The following PTPDC1 variants were observed in gnomAD, a reference collection of about 807,000 sequenced individuals.
The protein encoded by PTPDC1 is protein tyrosine phosphatase domain-containing protein 1.
In PTPDC1, 53 loss-of-function variants were observed where a neutral mutation model predicts 75.3. The observed-to-expected ratio is 0.70, with a 90% confidence interval of 0.56 to 0.88. The LOEUF is 0.88. Ranked by LOEUF, PTPDC1 falls within the 40% of genes least tolerant of loss-of-function variation. PTPDC1 has a pLI of 0.00. For synonymous variants in PTPDC1, 349 were observed against 366.2 expected, an observed-to-expected ratio of 0.95 and a Z score of 0.54; for missense variants, 925 against 998.6, an observed-to-expected ratio of 0.93 and a Z score of 0.99.
At chr9:94,059,031 A>G (rs1223976207) in intron 1 of PTPDC1, among the ~76,000 whole-genome samples, 1 of 152,184 alleles carries the variant, frequency 6.6e-6, no homozygotes, top group East Asian at 1.9e-4. Flanking sequence ...TATAAGAAAC[A>G]TACTGTCCAA....
intron 7 of PTPDC1, among the ~76,000 whole-genome samples, chr9:94,102,363 A>T (rs1312889781): frequency 4.0e-5 from 6 of 151,456 alleles, no homozygotes; most frequent in Non-Finnish European, 8.8e-5. Flanking sequence ...TAAAAGATAT[A>T]TGTTTAAAAT....
chr9:94,073,570 G>A (rs1010302604), intron 2 of PTPDC1, among the ~76,000 whole-genome samples: 5 of 152,128 alleles, frequency 3.3e-5, no homozygotes, highest in East Asian at 3.9e-4. Flanking sequence ...GATTTGCACT[G>A]TTGTTTTCCA....
chr9:94,037,316 TA>T (rs1825301033), intron 1 of PTPDC1, among the ~76,000 whole-genome samples: 1 of 152,244 alleles, frequency 6.6e-6, no homozygotes, highest in Non-Finnish European at 1.5e-5. Context: ...GTTTGCAGTA[TA>T]ATTGTCTTTT....
At chr9:94,042,025 A>G (rs1442443926) in intron 1 of PTPDC1, among the ~76,000 whole-genome samples, 1 of 151,788 alleles carries the variant, frequency 6.6e-6, no homozygotes, top group Admixed American at 6.6e-5. Context: ...AGAGGATTTC[A>G]CCCTGATGTC....
At chr9:94,080,263 A>C (rs914544527), upstream of PTPDC1, among the ~76,000 whole-genome samples, 4 of 152,140 alleles carry the variant, frequency 2.6e-5, no homozygotes, top group African/African-American at 9.7e-5. Flanking sequence ...CAATTAGGTA[A>C]ATATATTAAA....
chr9:94,104,562 A>AG (rs1371251173), intron 8 of PTPDC1, among the ~76,000 whole-genome samples, 177 bp downstream of exon 8: 1 of 152,258 alleles, frequency 6.6e-6, no homozygotes, highest in Admixed American at 6.5e-5. Context: ...CCAAAAAAAA[A>AG]GTTTCCAAAC....
At position 94,094,637 on chromosome 9, in the gene PTPDC1, T is replaced by G. The variant is rs529590989; in HGVS notation, c.617-680T>G. Among the ~76,000 whole-genome samples, 8 of 152,346 alleles carry G rather than the reference T, an allele frequency of 5.3e-5. No homozygotes were observed. The South Asian group carries it at 1.7e-3, about 32-fold the overall frequency. ...GAGCTTCCCGGCTGCTTTGTTTACCTAAGCAAGCCTGGGCAATGGCGGGCA... is the reference window on the plus strand; with the variant it reads ...GAGCTTCCCGGCTGCTTTGTTTACCGAAGCAAGCCTGGGCAATGGCGGGCA... On this transcript the variant is annotated intron_variant, in intron 4 of 8. Coordinates refer to ENST00000620992, the MANE Select transcript of PTPDC1 (RefSeq NM_001253829.2).
chr9:94,048,431 C>T (rs1332197665), intron 1 of PTPDC1, among the ~76,000 whole-genome samples: 1 of 152,058 alleles, frequency 6.6e-6, no homozygotes, highest in Non-Finnish European at 1.5e-5. Flanking sequence ...TTTCAAAGAA[C>T]ATCTTTATTT....
upstream of PTPDC1, among the ~76,000 whole-genome samples, chr9:94,082,779 A>G (rs1213728869): frequency 6.6e-6 from 1 of 152,164 alleles, no homozygotes; most frequent in Non-Finnish European, 1.5e-5. Flanking sequence ...AAGCTCAGTC[A>G]TTTTGTGTTT....
In PTPDC1 at chr9:94,108,932, G is replaced by C. The variant is rs1828115163; in HGVS notation, c.*988G>C. The stretch of plus-strand genomic sequence containing the variant: ...GGAAGTCAAAACTGGGCCACTGTTT[G>C]TACTGATGGTGTATTAGCATGAGCA... On this transcript the variant is annotated 3_prime_UTR_variant, in exon 9 of 9. Transcript: ENST00000620992. The C allele has an allele frequency of 1.3e-5, 2 of 152,426 alleles. No homozygotes were observed. The highest frequency in any genetic ancestry group is 6.5e-5 in the Admixed American group (1 of 15,292). The allele number at this position is 152,426 out of a possible 1,614,324, so 9.4% of individuals were successfully genotyped here. A position where few individuals can be genotyped will look rare whatever the true frequency, so the allele number is the denominator to read the frequency against.
intron 1 of PTPDC1, among the ~76,000 whole-genome samples, chr9:94,035,436 G>A (rs1028968611): frequency 3.9e-5 from 6 of 152,204 alleles, no homozygotes; most frequent in African/African-American, 1.4e-4. Flanking sequence ...GTACTTCTGT[G>A]CCTGGCTTAT....
At chr9:94,068,964 G>A (rs1370527959) in intron 2 of PTPDC1, among the ~76,000 whole-genome samples, 3 of 152,220 alleles carry the variant, frequency 2.0e-5, no homozygotes, top group African/African-American at 4.8e-5. Flanking sequence ...ACCCCATCAA[G>A]CTGTTTACAA....
intron 7 of PTPDC1, among the ~76,000 whole-genome samples, chr9:94,103,551 G>T (rs1587914328): frequency 6.6e-6 from 1 of 152,122 alleles, no homozygotes; most frequent in African/African-American, 2.4e-5. Flanking sequence ...TACTTTCATA[G>T]GCGTCATTGT....
intron 2 of PTPDC1, 102 bp downstream of exon 2, chr9:94,085,524 G>A (rs1827042359): frequency 8.6e-6 from 11 of 1,284,050 alleles, no homozygotes; most frequent in Non-Finnish European, 1.1e-5. Context: ...GTGGGACTTT[G>A]AAGTCAGGAC....
intron 4 of PTPDC1, among the ~76,000 whole-genome samples, chr9:94,092,426 T>C (rs1424559891): frequency 2.3e-4 from 33 of 143,070 alleles, no homozygotes; most frequent in African/African-American, 8.8e-4. Context: ...AGTTCTAGTT[T>C]GATTGCACTG....
chr9:94,085,899 A>G (rs1827057635), intron 2 of PTPDC1, among the ~76,000 whole-genome samples: 1 of 152,236 alleles, frequency 6.6e-6, no homozygotes, highest in African/African-American at 2.4e-5. Flanking sequence ...ACAAGTTGTC[A>G]GCTCAGTAGA....
At chr9:94,033,299 TA>T (rs1215221577) in intron 1 of PTPDC1, among the ~76,000 whole-genome samples, 13 of 152,222 alleles carry the variant, frequency 8.5e-5, no homozygotes, top group Non-Finnish European at 1.6e-4. Flanking sequence ...GTTACTTATA[TA>T]TTTCTTTTTC....
chr9:94,102,200 C>T (rs1827865476), intron 7 of PTPDC1, among the ~76,000 whole-genome samples: 1 of 152,050 alleles, frequency 6.6e-6, no homozygotes, highest in Non-Finnish European at 1.5e-5. Flanking sequence ...TTTGTTTCTA[C>T]TTATTTGCTG....
intron 1 of PTPDC1, among the ~76,000 whole-genome samples, chr9:94,031,725 T>C (rs764891893): frequency 5.3e-5 from 8 of 152,178 alleles, no homozygotes; most frequent in Non-Finnish European, 7.3e-5. Context: ...ACCTATGTCA[T>C]TGAAATTTTA....
Sources: allele counts gnomAD v4.1 joint callset (sites outside exome capture counted in the v4.1 genomes callset), GRCh38; gene constraint gnomAD v4.1.1; transcripts MANE v1.5; gene names NCBI Gene and HGNC (gene_info 2026-07-23, HGNC 2026-07-21).